Variants in SLAIN1 observed in about 807,000 individuals in gnomAD.
SLAIN1 encodes the protein SLAIN motif-containing protein 1.
SLAIN1 carries 17 observed loss-of-function variants against 55.4 expected under a neutral mutation model. That is an observed-to-expected ratio of 0.31 (90% CI 0.21 to 0.46). The LOEUF is 0.46. Ranked by LOEUF, SLAIN1 falls within the 20% of genes least tolerant of loss-of-function variation. The pLI is 1.00. For synonymous variants in SLAIN1, 348 were observed against 337.4 expected, an observed-to-expected ratio of 1.03 and a Z score of -0.35; for missense variants, 682 against 785.1, an observed-to-expected ratio of 0.87 and a Z score of 1.57.
intron 2 of SLAIN1, among the ~76,000 whole-genome samples, chr13:77,739,509 C>T (rs548988764): frequency 2.3e-4 from 35 of 152,080 alleles, no homozygotes; most frequent in Non-Finnish European, 4.3e-4. Flanking sequence ...AATGCACTAC[C>T]GACCTTTTGA....
chr13:77,713,415 A>C (rs1408036781), intron 1 of SLAIN1, among the ~76,000 whole-genome samples: 1 of 152,176 alleles, frequency 6.6e-6, no homozygotes, highest in Admixed American at 6.6e-5. Context: ...AGCAAACATG[A>C]AAAAAAGCTC....
At chr13:77,725,510 A>G (rs2091299621) in intron 2 of SLAIN1, among the ~76,000 whole-genome samples, 1 of 152,148 alleles carries the variant, frequency 6.6e-6, no homozygotes, top group Admixed American at 6.5e-5. Flanking sequence ...AAGTTCCTTA[A>G]TGTGAGCCTG....
In SLAIN1 at chr13:77,698,347, C is replaced by T; in HGVS notation, c.434C>T (p.Ala145Val). The change falls in exon 1 of 7, where the codon GCG (alanine) becomes GTG (valine). Residue 145 changes from alanine (A) to valine (V), a missense_variant. Ala to Val is a moderately conservative substitution (Grantham distance 64). Around this residue, in one of 3 missense-constraint regions of SLAIN1, gnomAD observed 401 missense variants for 417.3 expected, o/e 0.96. Coordinates refer to ENST00000418532, the MANE Select transcript of SLAIN1 (RefSeq NM_001242868.2). This position sits in a 1 kb window ranked among gnomAD's most constrained non-coding sequence, Gnocchi z 4.1. ...TGCAGCCTGGCGCAGCCACCCGAGG[C>T]GCCCTTCGTCTACTTCAAGCCGGCA... ...LLCSLAQPPE[A>V]PFVYFKPAAG... 1 of 1,447,358 alleles carries T rather than the reference C, an allele frequency of 6.9e-7. No individual in the cohort carries two copies. The highest frequency in any genetic ancestry group is 1.5e-5 in the African/African-American group (1 of 67,888). The allele number at this position is 1,447,358 out of a possible 1,614,324, so 89.7% of individuals were successfully genotyped here.
chr13:77,758,370 C>T (rs1874756629), intron 5 of SLAIN1, among the ~76,000 whole-genome samples: 1 of 151,722 alleles, frequency 6.6e-6, no homozygotes, highest in Non-Finnish European at 1.5e-5. Context: ...TTTTTCTACT[C>T]TGAGTTATCT....
intron 1 of SLAIN1, among the ~76,000 whole-genome samples, chr13:77,709,130 A>G (rs1012786649): frequency 6.6e-6 from 1 of 151,834 alleles, no homozygotes; most frequent in Non-Finnish European, 1.5e-5. Flanking sequence ...ACAAGTATCA[A>G]TAGCCAAATC....
chr13:77,750,085 T>C (rs2154410651), intron 4 of SLAIN1, among the ~76,000 whole-genome samples: 1 of 152,322 alleles, frequency 6.6e-6, no homozygotes, highest in South Asian at 2.1e-4. Flanking sequence ...GATTACAATA[T>C]TGTGATTCCA....
At chr13:77,709,986 G>T (rs2091130844) in intron 1 of SLAIN1, among the ~76,000 whole-genome samples, 1 of 152,028 alleles carries the variant, frequency 6.6e-6, no homozygotes, top group Non-Finnish European at 1.5e-5. Context: ...TGGTCAGGCT[G>T]GTCTTGAACT....
intron 1 of SLAIN1, among the ~76,000 whole-genome samples, chr13:77,710,024 A>G (rs1008026668): frequency 2.6e-5 from 4 of 152,064 alleles, no homozygotes; most frequent in Non-Finnish European, 4.4e-5. Flanking sequence ...TGCCAGGCTC[A>G]GCCTCCCAAA....
In SLAIN1 at chr13:77,712,000, A is replaced by G. The variant is rs1469391798; in HGVS notation, c.627-7532A>G. 2.6e-5 allele frequency among the ~76,000 whole-genome samples: 4 copies of G among 152,290 alleles called. No homozygotes were observed. In the East Asian group the frequency reaches 7.7e-4, roughly 29 times the overall value. ...ATAATTAATAGGTGCAGAAAAAGGC[A>G]TCGATAAAATTTATCACCCTTTCAT... On this transcript the variant is annotated intron_variant, in intron 1 of 6. Transcript: ENST00000418532.
intron 1 of SLAIN1, among the ~76,000 whole-genome samples, chr13:77,710,576 A>T (rs2091138577): frequency 6.6e-6 from 1 of 152,208 alleles, no homozygotes; most frequent in South Asian, 2.1e-4. Flanking sequence ...ATACAGGAGG[A>T]CCCAGATTCA....
At chr13:77,729,823 T>C (rs759580207) in intron 2 of SLAIN1, among the ~76,000 whole-genome samples, 1 of 151,892 alleles carries the variant, frequency 6.6e-6, no homozygotes, top group Non-Finnish European at 1.5e-5. Flanking sequence ...GACCCAGGGG[T>C]ATGATCAGAA....
rs746618407 is a variant in SLAIN1 at position 77,753,222 on chromosome 13, G to T, written c.1278G>T (p.Met426Ile). Residue 426 changes from methionine to isoleucine, a missense_variant, in exon 5 of 7, where the codon ATG (methionine) becomes ATT (isoleucine). By Grantham distance (10) the Met-to-Ile change is conservative. Transcript: ENST00000418532. The stretch of plus-strand genomic sequence containing the variant: ...TTCCAGATAAGCTCCGAAGAAGTAT[G>T]CCTAACCTAGCCCGGATGCCAAGTA... ...RTNGDKLRRS[M>I]PNLARMPSTT... 1.2e-6 allele frequency: 2 copies of T among 1,607,064 alleles called. No homozygotes were observed. The highest frequency in any genetic ancestry group is 2.2e-5 in the South Asian group (2 of 89,262).
chr13:77,718,998 G>A (rs1594262311), intron 1 of SLAIN1, among the ~76,000 whole-genome samples: 1 of 152,046 alleles, frequency 6.6e-6, no homozygotes. Flanking sequence ...CATATACCAA[G>A]GTTAGTATAG....
At chr13:77,748,553 C>A (rs951340380) in intron 4 of SLAIN1, among the ~76,000 whole-genome samples, 1 of 152,040 alleles carries the variant, frequency 6.6e-6, no homozygotes, top group African/African-American at 2.4e-5. Flanking sequence ...AAGTGGTATT[C>A]ACTTCCATCA....
intron 1 of SLAIN1, among the ~76,000 whole-genome samples, chr13:77,712,627 A>G (rs2091164031): frequency 6.6e-6 from 1 of 152,204 alleles, no homozygotes; most frequent in Non-Finnish European, 1.5e-5. Context: ...CAAAATGGCC[A>G]TACTGCCCAA....
At chr13:77,742,295 TTA>T (rs1311801014) in intron 2 of SLAIN1, among the ~76,000 whole-genome samples, 1 of 152,050 alleles carries the variant, frequency 6.6e-6, no homozygotes, top group African/African-American at 2.4e-5. Context: ...GAAAAGCTAG[TTA>T]TATAAATAAT....
intron 4 of SLAIN1, among the ~76,000 whole-genome samples, chr13:77,750,040 G>A (rs952325832): frequency 3.3e-5 from 5 of 152,176 alleles, no homozygotes; most frequent in African/African-American, 1.2e-4. Flanking sequence ...TTTGTATGCA[G>A]ATTATCATAT....
At chr13:77,752,880 G>A (rs555415053) in intron 4 of SLAIN1, among the ~76,000 whole-genome samples, 1 of 152,022 alleles carries the variant, frequency 6.6e-6, no homozygotes, top group African/African-American at 2.4e-5. Flanking sequence ...ATGGAGGGTG[G>A]GTCTACCCCT....
Position 77,719,654 on chromosome 13 carries a change from G to A in SLAIN1, c.749G>A (p.Cys250Tyr), listed in dbSNP as rs1227512832. 6.2e-7 allele frequency: 1 copy of A among 1,613,268 alleles called. No individual in the cohort carries two copies. Among genetic ancestry groups the A allele is most frequent in the African/African-American group, 1.3e-5 (1 of 74,978 alleles). ...PEMEAARRSL[C>Y]FRLEQGYTSR... ...ATGGAAGCAGCGAGACGTTCCCTGTGCTTTAGACTGGAGCAAGGTAATTGT... is the reference window on the plus strand; with the variant it reads ...ATGGAAGCAGCGAGACGTTCCCTGTACTTTAGACTGGAGCAAGGTAATTGT... The change falls in exon 2 of 7, where the codon TGC (cysteine) becomes TAC (tyrosine). Residue 250 changes from cysteine to tyrosine, a missense_variant. Physicochemically the swap from Cys to Tyr is radical, Grantham distance 194. This residue lies in a region of SLAIN1 where 401 missense variants were observed against 417.3 expected (regional missense o/e 0.96). Transcript: ENST00000418532.
Sources: allele counts gnomAD v4.1 joint callset (sites outside exome capture counted in the v4.1 genomes callset), GRCh38; gene constraint gnomAD v4.1.1; regional missense constraint gnomAD v4.1.1; non-coding constraint Gnocchi (gnomAD v3.1); transcripts MANE v1.5; gene names NCBI Gene and HGNC (gene_info 2026-07-23, HGNC 2026-07-21).